The following ORC5 variants were observed in gnomAD, a reference collection of about 807,000 sequenced individuals.
ORC5 encodes protein phosphatase 1, regulatory subunit 117.
ORC5 carries 39 observed loss-of-function variants against 58.8 expected under a neutral mutation model. That is an observed-to-expected ratio of 0.66 (90% CI 0.51 to 0.87). ORC5 has a LOEUF of 0.87. Among genes scored for constraint, ORC5 ranks in the 40% least tolerant of loss-of-function variants. The pLI is 0.00. For missense variants in ORC5, 493 were observed against 506.3 expected, an observed-to-expected ratio of 0.97 and a Z score of 0.25; for synonymous variants, 218 against 177.6, an observed-to-expected ratio of 1.23 and a Z score of -1.81.
At chr7:104,158,967 G>A (rs1208426930) in intron 12 of ORC5, among the ~76,000 whole-genome samples, 3 of 110,090 alleles carry the variant, frequency 2.7e-5, no homozygotes, top group South Asian at 3.4e-4. Flanking sequence ...CCCAGCCATC[G>A]CAATCCTGGG....
Position 104,161,086 on chromosome 7 carries a change from T to C in ORC5, c.1135A>G (p.Asn379Asp), listed in dbSNP as rs1370045784. 2.6e-6 allele frequency: 4 copies of C among 1,560,732 alleles called. No individual in the cohort carries two copies. The highest frequency in any genetic ancestry group is 1.1e-5 in the South Asian group (1 of 89,782). Residue 379 changes from asparagine (N) to aspartate (D), a missense_variant, in exon 12 of 14, where the codon AAT (asparagine) becomes GAT (aspartate). By Grantham distance (23) the Asn-to-Asp change is conservative. This residue lies in a region of ORC5 where 77 missense variants were observed against 86.1 expected (regional missense o/e 0.89). Coordinates refer to ENST00000297431, the MANE Select transcript of ORC5 (RefSeq NM_002553.4). Reference sequence around the variant, plus strand: ...ATTAAGCTTACCTGGGAAAAAATATTTGCTGTTGGAGCAACTCTGCTGTCC... The same window carrying C: ...ATTAAGCTTACCTGGGAAAAAATATCTGCTGTTGGAGCAACTCTGCTGTCC... ...IVDSRVAPTA[N>D]IFSQITSLVT...
At chr7:104,202,444 A>C (rs1799967482) in intron 2 of ORC5, 3 of 434,582 alleles carry the variant, frequency 6.9e-6, no homozygotes, top group African/African-American at 2.0e-5. Flanking sequence ...CTTTAAGAAC[A>C]AAAGTCCACA....
At position 104,155,172 on chromosome 7, in the gene ORC5, C is replaced by T. The variant is rs138102627; in HGVS notation, c.1149+5900G>A. Among the ~76,000 whole-genome samples, 587 of 151,666 alleles carry T rather than the reference C, an allele frequency of 3.9e-3. 4 individuals are homozygous for T. The highest frequency in any genetic ancestry group is 0.014 in the African/African-American group (567 of 41,470). ...TTGATTCATGACCAATAAGTTAAAT[C>T]GATGTAACAAATAACTCCAAGTGTA... On this transcript the variant is annotated intron_variant, in intron 12 of 13. Coordinates refer to ENST00000297431, the MANE Select transcript of ORC5 (RefSeq NM_002553.4).
At chr7:104,207,749 C>T in intron 1 of ORC5, 84 bp downstream of exon 1, 1 of 1,370,666 alleles carries the variant, frequency 7.3e-7, no homozygotes, top group East Asian at 2.3e-5. Flanking sequence ...TCAATCCAAA[C>T]ACGAAAAAAC....
intron 12 of ORC5, among the ~76,000 whole-genome samples, chr7:104,139,855 C>T (rs991714454): frequency 1.3e-5 from 2 of 151,898 alleles, no homozygotes; most frequent in African/African-American, 4.8e-5. Context: ...ATTGTTAAAT[C>T]TTATATACAC....
chr7:104,187,563 A>G (rs1439567574), intron 6 of ORC5: 1 of 172,112 alleles, frequency 5.8e-6, no homozygotes, highest in East Asian at 1.9e-4. Flanking sequence ...AAATGGAGAT[A>G]AGATCTTAAT....
chr7:104,184,959 T>A (rs376222458), intron 6 of ORC5, among the ~76,000 whole-genome samples: 1 of 152,174 alleles, frequency 6.6e-6, no homozygotes, highest in Non-Finnish European at 1.5e-5. Context: ...CAATAACCTG[T>A]TATGCCATGC....
Position 104,207,967 on chromosome 7 carries a change from G to T in ORC5, c.-63C>A, listed in dbSNP as rs540706532. 8 of 1,477,678 alleles carry T rather than the reference G, an allele frequency of 5.4e-6. No individual in the cohort carries two copies. The highest frequency in any genetic ancestry group is 1.7e-5 in the Admixed American group (1 of 57,842). The allele number at this position is 1,477,678 out of a possible 1,614,324, so 91.5% of individuals were successfully genotyped here. A position where few individuals can be genotyped will look rare whatever the true frequency, so the allele number is the denominator to read the frequency against. ...CCACAGGACCCTTGCACAAGACGGA[G>T]CCTCTCCCGAGTCTGGCGGCCCACG... On this transcript the variant is annotated 5_prime_UTR_variant, in exon 1 of 14. Transcript: ENST00000297431.
chr7:104,177,739 A>C (rs2115937534), intron 8 of ORC5, among the ~76,000 whole-genome samples: 1 of 152,122 alleles, frequency 6.6e-6, no homozygotes, highest in East Asian at 1.9e-4. Flanking sequence ...TCCACCCCGC[A>C]AAAGGCCCCA....
rs1482408569 is a variant in ORC5 at position 104,161,055 on chromosome 7, T to A, written c.1149+17A>T. 1 of 1,257,580 alleles carries A rather than the reference T, an allele frequency of 8.0e-7. No homozygotes were observed. Among genetic ancestry groups the A allele is most frequent in the Non-Finnish European group, 1.2e-6 (1 of 856,026 alleles). 77.9% of individuals were successfully genotyped at this position (1,257,580 alleles called of 1,614,324 possible). ...ATCCCACAAAGATGACAGATAATAA[T>A]CTATGATTAAGCTTACCTGGGAAAA... is the stretch of plus-strand genomic sequence containing the variant. On this transcript the variant is annotated intron_variant, in intron 12 of 13. Transcript: ENST00000297431.
At chr7:104,147,859 T>C (rs1248440430) in intron 12 of ORC5, among the ~76,000 whole-genome samples, 3 of 152,250 alleles carry the variant, frequency 2.0e-5, no homozygotes, top group Non-Finnish European at 2.9e-5. Context: ...CTACTGCTAC[T>C]GTGAATAAAG....
chr7:104,202,762 A>C (rs1453727459), intron 2 of ORC5, among the ~76,000 whole-genome samples: 1 of 152,246 alleles, frequency 6.6e-6, no homozygotes, highest in Non-Finnish European at 1.5e-5. Flanking sequence ...TCTGAAGTCC[A>C]GTATATAGCC....
intron 12 of ORC5, among the ~76,000 whole-genome samples, chr7:104,150,262 T>G (rs1480679809): frequency 2.0e-5 from 3 of 152,180 alleles, no homozygotes; most frequent in Non-Finnish European, 2.9e-5. Context: ...TTAAGAAATA[T>G]CCTATCCTGC....
At chr7:104,172,347 CTA>C (rs1799228645) in intron 8 of ORC5, among the ~76,000 whole-genome samples, 1 of 152,120 alleles carries the variant, frequency 6.6e-6, no homozygotes, top group Admixed American at 6.6e-5. Context: ...CTTTTCCATT[CTA>C]TGATTTCTAA....
chr7:104,177,535 A>C (rs2115936336), intron 8 of ORC5, among the ~76,000 whole-genome samples: 1 of 152,280 alleles, frequency 6.6e-6, no homozygotes, highest in African/African-American at 2.4e-5. Context: ...TACCCCCAAA[A>C]ATAAGATGTG....
intron 11 of ORC5, among the ~76,000 whole-genome samples, chr7:104,161,892 T>C (rs1004777071): frequency 6.6e-6 from 1 of 152,218 alleles, no homozygotes; most frequent in African/African-American, 2.4e-5. Context: ...TTACTACTTA[T>C]TTCTCACAAT....
At chr7:104,192,340 G>A (rs762217154) in intron 5 of ORC5, among the ~76,000 whole-genome samples, 1 of 152,104 alleles carries the variant, frequency 6.6e-6, no homozygotes, top group Non-Finnish European at 1.5e-5. Context: ...ACAATTATTG[G>A]AGAGCTATAT....
At chr7:104,199,769 A>C (rs1443346277) in intron 3 of ORC5, among the ~76,000 whole-genome samples, 3 of 152,230 alleles carry the variant, frequency 2.0e-5, no homozygotes, top group Non-Finnish European at 4.4e-5. Flanking sequence ...GGGAAGCCAC[A>C]GTTGACTTTG....
At chr7:104,177,940 T>C (rs1451066291) in intron 8 of ORC5, among the ~76,000 whole-genome samples, 2 of 152,252 alleles carry the variant, frequency 1.3e-5, no homozygotes, top group Non-Finnish European at 2.9e-5. Context: ...ATGGTGTTTA[T>C]GTGCCACATT....
Sources: gnomAD v4.1 joint callset for allele counts (sites outside exome capture counted in the v4.1 genomes callset) on GRCh38, gnomAD v4.1.1 for gene constraint, gnomAD v4.1.1 regional missense constraint, MANE v1.5 for transcripts, NCBI Gene and HGNC (gene_info 2026-07-23, HGNC 2026-07-21) for gene names.